Variants in TRPS1 observed in about 807,000 individuals in gnomAD.
The protein encoded by TRPS1 is zinc finger transcription factor Trps1.
Under a neutral mutation model 101.2 loss-of-function variants are expected in TRPS1, and 6 were observed. That is an observed-to-expected ratio of 0.06 (90% CI 0.03 to 0.12). The LOEUF (loss-of-function observed/expected upper bound fraction) is 0.12. Ranked by LOEUF, TRPS1 falls within the 10% of genes least tolerant of loss-of-function variation. The pLI, the probability that TRPS1 is intolerant of heterozygous loss-of-function variation, is 1.00. For missense variants in TRPS1, 1,363 were observed against 1,567.0 expected (o/e 0.87, Z 2.20); for synonymous variants, 578 against 589.8 (o/e 0.98, Z 0.29).
At chr8:115,429,451 C>G (rs986186798) in intron 5 of TRPS1, among the ~76,000 whole-genome samples, 1 of 152,140 alleles carries the variant, frequency 6.6e-6, no homozygotes, top group African/African-American at 2.4e-5. Context: ...TGCACTCATA[C>G]GAGCCTTACT....
chr8:115,660,695 G>A (rs556329642), intron 1 of TRPS1, among the ~76,000 whole-genome samples: 4 of 151,568 alleles, frequency 2.6e-5, no homozygotes, highest in African/African-American at 9.7e-5. Context: ...TAGACAAATA[G>A]CTAACAATAA....
At chr8:115,527,854 G>T (rs1382277180) in intron 5 of TRPS1, among the ~76,000 whole-genome samples, 1 of 152,056 alleles carries the variant, frequency 6.6e-6, no homozygotes, top group Non-Finnish European at 1.5e-5. Context: ...GAACGGTCAT[G>T]GTTATCTATT....
chr8:115,418,295 A>T lies in TRPS1; in HGVS notation c.2823+35T>A. ...ACAGACCAGGCCAACACTGCTTTAT[A>T]AAGCTTTTCCTGAAAGAGTGGAACA... is the stretch of plus-strand genomic sequence containing the variant. On this transcript the variant is annotated intron_variant, in intron 6 of 6. Coordinates refer to ENST00000395715, the MANE Select transcript of TRPS1 (RefSeq NM_014112.5). This position sits in a 1 kb window ranked among gnomAD's most constrained non-coding sequence, Gnocchi z 4.3. The T allele has an allele frequency of 6.2e-7, 1 of 1,613,990 alleles. No homozygotes were observed.
chr8:115,511,646 C>T (rs1046108164), intron 5 of TRPS1, among the ~76,000 whole-genome samples: 1 of 151,870 alleles, frequency 6.6e-6, no homozygotes, highest in Non-Finnish European at 1.5e-5. Context: ...AAAGATCTGA[C>T]ATATTCTGGG....
Position 115,648,471 on chromosome 8 carries a change from G to A in TRPS1, c.-122+20074C>T, listed in dbSNP as rs570414798. Reference sequence around the variant, plus strand: ...GGCTCCTGCGAGAGCGAACGCCAGCGACACACACGCAGCTCCTGTTGTGTC... The same window carrying A: ...GGCTCCTGCGAGAGCGAACGCCAGCAACACACACGCAGCTCCTGTTGTGTC... On this transcript the variant is annotated intron_variant, in intron 1 of 6. Transcript: ENST00000395715. Among the ~76,000 whole-genome samples, 735 of 152,286 alleles carry A rather than the reference G, an allele frequency of 4.8e-3. 1 individual carries two copies. Among genetic ancestry groups the A allele is most frequent in the Non-Finnish European group, 7.8e-3 (533 of 68,028 alleles).
At chr8:115,508,393 C>T (rs1300375046) in intron 5 of TRPS1, among the ~76,000 whole-genome samples, 1 of 152,064 alleles carries the variant, frequency 6.6e-6, no homozygotes, top group Non-Finnish European at 1.5e-5. Flanking sequence ...TAAAAATTCT[C>T]TACATTTCCT....
chr8:115,547,424 A>G (rs1816601343), intron 5 of TRPS1, among the ~76,000 whole-genome samples: 1 of 152,148 alleles, frequency 6.6e-6, no homozygotes, highest in South Asian at 2.1e-4. Context: ...GGGCCAGTGA[A>G]GCATGGGGTT....
intron 5 of TRPS1, among the ~76,000 whole-genome samples, chr8:115,454,245 C>T (rs971246317): frequency 6.6e-6 from 1 of 152,150 alleles, no homozygotes; most frequent in Non-Finnish European, 1.5e-5. Flanking sequence ...TTGAGTATCA[C>T]CCTGGATACA....
At chr8:115,638,223 C>A (rs1818813733) in intron 1 of TRPS1, among the ~76,000 whole-genome samples, 2 of 152,192 alleles carry the variant, frequency 1.3e-5, no homozygotes, top group Non-Finnish European at 2.9e-5. Flanking sequence ...TTCCATTTTA[C>A]ACCAAAACTC....
rs3824203 is a variant in TRPS1 at position 115,556,159 on chromosome 8, T to C, written c.2700+30842A>G. On this transcript the variant is annotated intron_variant, in intron 5 of 6. Transcript: ENST00000395715. ...ATTACCATTCAAAAGGCTGATCACA[T>C]TGGCAACCTCTAGGTGTCAAGGTTC... Among the ~76,000 whole-genome samples the C allele has an allele frequency of 5.3e-5, 8 of 152,212 alleles. No individual in the cohort carries two copies. In the East Asian group the frequency reaches 1.3e-3, roughly 26 times the overall value.
chr8:115,515,706 T>C (rs978845359), intron 5 of TRPS1, among the ~76,000 whole-genome samples: 2 of 151,516 alleles, frequency 1.3e-5, no homozygotes, highest in African/African-American at 2.4e-5. Flanking sequence ...AGAATATGCA[T>C]AACTTAAGAC....
intron 5 of TRPS1, among the ~76,000 whole-genome samples, chr8:115,535,671 C>A (rs1203508213): frequency 2.0e-5 from 3 of 150,562 alleles, no homozygotes; most frequent in Non-Finnish European, 4.4e-5. Flanking sequence ...ACCATCCTGG[C>A]TAACACGGTG....
At chr8:115,592,076 G>T (rs532019594) in intron 4 of TRPS1, among the ~76,000 whole-genome samples, 1 of 152,240 alleles carries the variant, frequency 6.6e-6, no homozygotes, top group African/African-American at 2.4e-5. Flanking sequence ...ACAGGGGATG[G>T]AAAAGGTCTT....
chr8:115,603,280 A>C (rs1283135459), intron 4 of TRPS1, among the ~76,000 whole-genome samples: 1 of 152,228 alleles, frequency 6.6e-6, no homozygotes, highest in Non-Finnish European at 1.5e-5. Context: ...TAACTCAAGC[A>C]GTTTTACCTG....
chr8:115,651,332 C>T lies in TRPS1; in HGVS notation c.-122+17213G>A, dbSNP rs183172250. Among the ~76,000 whole-genome samples, 92 of 152,254 alleles carry T rather than the reference C, an allele frequency of 6.0e-4. 2 individuals are homozygous for T. Among genetic ancestry groups the T allele is most frequent in the Admixed American group, 5.3e-3 (81 of 15,284 alleles). ...GCACACTGCAAAATACAACATACTC[C>T]GTTGCAACCAGTGGTATCCTACCTT... On this transcript the variant is annotated intron_variant, in intron 1 of 6. Transcript: ENST00000395715.
At chr8:115,426,151 C>A (rs985594870) in intron 5 of TRPS1, among the ~76,000 whole-genome samples, 1 of 152,070 alleles carries the variant, frequency 6.6e-6, no homozygotes, top group Non-Finnish European at 1.5e-5. Flanking sequence ...TCTATGGGGA[C>A]TTTCTTCTAT....
chr8:115,619,204 A>G lies in TRPS1; in HGVS notation c.894T>C (p.Ser298=), dbSNP rs2130530881. The G allele has an allele frequency of 6.2e-7, 1 of 1,614,216 alleles. No homozygotes were observed. Among genetic ancestry groups the G allele is most frequent in the Non-Finnish European group, 8.5e-7 (1 of 1,180,036 alleles). The change falls in exon 3 of 7, where the codon TCT becomes TCC. Residue 298 remains serine (S), a synonymous_variant. Transcript: ENST00000395715. ...TGTCCTGCAGCACACCAGAAAACAC[A>G]GAACGGTTGACCTTCTGGAAGTCTT... ...HSKDFQKVNR[S]VFSGVLQDIN...
chr8:115,645,415 T>C (rs1417163760), intron 1 of TRPS1, among the ~76,000 whole-genome samples: 2 of 152,184 alleles, frequency 1.3e-5, no homozygotes, highest in Non-Finnish European at 2.9e-5. Flanking sequence ...CTTATGATCA[T>C]GTAGGATATA....
chr8:115,622,385 A>C (rs1818415040), intron 2 of TRPS1, among the ~76,000 whole-genome samples: 2 of 152,212 alleles, frequency 1.3e-5, no homozygotes, highest in African/African-American at 2.4e-5. Context: ...CAGGGAAAGA[A>C]AGACTAAATG....
Sources: allele counts gnomAD v4.1 joint callset (sites outside exome capture counted in the v4.1 genomes callset), GRCh38; gene constraint gnomAD v4.1.1; non-coding constraint Gnocchi (gnomAD v3.1); transcripts MANE v1.5; gene names NCBI Gene and HGNC (gene_info 2026-07-23, HGNC 2026-07-21).